Variants in CHL1 observed in about 807,000 individuals in gnomAD.
The protein encoded by CHL1 is cell adhesion molecule L1 like.
Under a neutral mutation model 141.9 loss-of-function variants are expected in CHL1, and 96 were observed. The observed-to-expected ratio is 0.68, with a 90% CI of 0.57 to 0.80. CHL1 has a LOEUF of 0.80. Ranked by LOEUF, CHL1 falls within the 30% of genes least tolerant of loss-of-function variation. CHL1 has a pLI of 0.00. For synonymous variants in CHL1, 613 were observed against 502.2 expected, an observed-to-expected ratio of 1.22 and a Z score of -2.95; for missense variants, 1,820 against 1,457.2, an observed-to-expected ratio of 1.25 and a Z score of -4.05.
Position 382,466 on chromosome 3 carries a change from A to G in CHL1, c.1979-8A>G. On this transcript the variant is annotated splice_polypyrimidine_tract_variant and splice_region_variant and intron_variant, in intron 17 of 27. Coordinates refer to ENST00000256509, the MANE Select transcript of CHL1 (RefSeq NM_006614.4). ...ATTCTAATATTTTTTCCCTGTTTAT[A>G]CTACCAGAGTATATTGTTGAATTTG... The G allele has an allele frequency of 6.2e-7, 1 of 1,610,348 alleles. No individual in the cohort carries two copies. Among genetic ancestry groups the G allele is most frequent in the Non-Finnish European group, 8.5e-7 (1 of 1,176,666 alleles).
At chr3:396,590 G>A (rs1708688133) in intron 24 of CHL1, among the ~76,000 whole-genome samples, 1 of 152,056 alleles carries the variant, frequency 6.6e-6, no homozygotes, top group African/African-American at 2.4e-5. Flanking sequence ...CAGGTGATGT[G>A]GCATCTTTTC....
At chr3:384,618 C>T (rs1707451579) in intron 19 of CHL1, 1 of 152,134 alleles carries the variant, frequency 6.6e-6, no homozygotes, top group East Asian at 1.9e-4. Context: ...AACAGTGGGG[C>T]ATTTTATTTT....
rs375028577 is a variant in CHL1, at chr3:364,637, C to CT, written c.1585+1264dup. Among the ~76,000 whole-genome samples, 280 of 148,382 alleles carry CT rather than the reference C, an allele frequency of 1.9e-3. 3 individuals are homozygous for CT. The highest frequency in any genetic ancestry group is 6.6e-3 in the South Asian group (31 of 4,676). On this transcript the variant is annotated intron_variant, in intron 14 of 27. Coordinates refer to ENST00000256509, the MANE Select transcript of CHL1 (RefSeq NM_006614.4). Reference sequence around the variant, plus strand: ...TCGTATCAATGGAGGATTAAGGACACTTTTTTTTTTACATATACAAAAGGC... The same window carrying CT: ...TCGTATCAATGGAGGATTAAGGACACTTTTTTTTTTTACATATACAAAAGGC...
At chr3:249,646 C>G (rs1693496969) in intron 2 of CHL1, among the ~76,000 whole-genome samples, 1 of 152,118 alleles carries the variant, frequency 6.6e-6, no homozygotes, top group African/African-American at 2.4e-5. Context: ...TGTAGCCCTT[C>G]AAATGCATAC....
intron 2 of CHL1, among the ~76,000 whole-genome samples, chr3:298,243 C>T (rs79391374): frequency 0.021 from 3,261 of 152,152 alleles, 114 homozygotes; most frequent in African/African-American, 0.073. Context: ...TACAATAAGT[C>T]GAATTGCTAA....
chr3:262,868 A>G (rs1694852159), intron 2 of CHL1, among the ~76,000 whole-genome samples: 1 of 152,210 alleles, frequency 6.6e-6, no homozygotes, highest in South Asian at 2.1e-4. Context: ...AAACTAATCA[A>G]AACACACCTG....
At chr3:218,174 A>G (rs74683073) in intron 1 of CHL1, among the ~76,000 whole-genome samples, 8,397 of 152,254 alleles carry the variant, frequency 0.055, 298 homozygotes, top group Middle Eastern at 0.12. Flanking sequence ...GGTGATTTCC[A>G]AAAGACCTCA....
chr3:210,910 C>T (rs1278268807), intron 1 of CHL1, among the ~76,000 whole-genome samples: 2 of 152,094 alleles, frequency 1.3e-5, no homozygotes, highest in African/African-American at 2.4e-5. Context: ...TTGTCTGGAG[C>T]GAGAATAAAA....
intron 1 of CHL1, among the ~76,000 whole-genome samples, chr3:243,449 C>T (rs938056803): frequency 7.9e-5 from 12 of 152,174 alleles, no homozygotes; most frequent in Admixed American, 3.9e-4. Flanking sequence ...AATAATAATG[C>T]GGTCAGAAGT....
intron 4 of CHL1, among the ~76,000 whole-genome samples, chr3:326,501 AT>A (rs1489241801): frequency 2.6e-5 from 4 of 151,502 alleles, no homozygotes; most frequent in Admixed American, 1.3e-4. Flanking sequence ...TTGTTACTTG[AT>A]TTTTTTTAAG....
intron 2 of CHL1, among the ~76,000 whole-genome samples, chr3:251,238 T>C (rs536283534): frequency 1.3e-5 from 2 of 152,214 alleles, no homozygotes; most frequent in South Asian, 4.1e-4. Flanking sequence ...AGATGTGGAA[T>C]CCATCTGTGC....
chr3:315,127 C>T (rs1460835033), intron 2 of CHL1, among the ~76,000 whole-genome samples: 2 of 152,142 alleles, frequency 1.3e-5, no homozygotes, highest in Non-Finnish European at 2.9e-5. Context: ...CCACTATCAA[C>T]ACAATGATCA....
intron 14 of CHL1, chr3:363,895 A>G (rs1343890074): frequency 6.6e-6 from 1 of 152,142 alleles, no homozygotes; most frequent in Admixed American, 6.5e-5. Context: ...GGCTTCACTG[A>G]TATTTTGATT....
intron 10 of CHL1, among the ~76,000 whole-genome samples, chr3:352,361 AT>A (rs1458415165): frequency 6.6e-6 from 1 of 152,072 alleles, no homozygotes; most frequent in Non-Finnish European, 1.5e-5. Flanking sequence ...AGTTTGTTTT[AT>A]TTTGTTTTTT....
Position 326,046 on chromosome 3 carries a change from A to G in CHL1, c.179A>G (p.Lys60Arg), listed in dbSNP as rs746964127. 33 of 1,609,792 alleles carry G rather than the reference A, an allele frequency of 2.0e-5. No homozygotes were observed. The highest frequency in any genetic ancestry group is 3.4e-5 in the Admixed American group (2 of 59,700). Reference protein sequence around the residue: ...DEYFQIECEAKGNPEPTFSWT... With the variant: ...DEYFQIECEARGNPEPTFSWT... Reference sequence around the variant, plus strand: ...TATTTTCAAATTGAATGTGAAGCTAAAGGAAATCCAGAACCAACGTGAGTA... The same window carrying G: ...TATTTTCAAATTGAATGTGAAGCTAGAGGAAATCCAGAACCAACGTGAGTA... Residue 60 changes from lysine (K) to arginine (R), a missense_variant, in exon 4 of 28, where the codon AAA (lysine) becomes AGA (arginine). Coordinates refer to ENST00000256509, the MANE Select transcript of CHL1 (RefSeq NM_006614.4).
chr3:384,871 T>C (rs1707487002), intron 19 of CHL1, among the ~76,000 whole-genome samples: 1 of 152,232 alleles, frequency 6.6e-6, no homozygotes, highest in Non-Finnish European at 1.5e-5. Flanking sequence ...CCTCATATGT[T>C]GGTCTTTGTA....
At chr3:339,212 G>T (rs537386992) in intron 5 of CHL1, among the ~76,000 whole-genome samples, 1 of 152,230 alleles carries the variant, frequency 6.6e-6, no homozygotes, top group African/African-American at 2.4e-5. Context: ...TTGGAGATTT[G>T]GGTACATAAA....
intron 27 of CHL1, among the ~76,000 whole-genome samples, chr3:403,372 A>C (rs989189312): frequency 2.6e-5 from 4 of 152,276 alleles, no homozygotes; most frequent in Admixed American, 6.5e-5. Context: ...TCACAACTCA[A>C]AGGAAGAGGA....
chr3:398,888 C>T, intron 25 of CHL1, 129 bp from the exon 26 acceptor site: 1 of 767,646 alleles, frequency 1.3e-6, no homozygotes, highest in South Asian at 1.9e-5. Flanking sequence ...AATTGCATTC[C>T]TTCTGGGGTC....
Sources: gnomAD v4.1 joint callset for allele counts (sites outside exome capture counted in the v4.1 genomes callset) on GRCh38, gnomAD v4.1.1 for gene constraint, MANE v1.5 for transcripts, NCBI Gene and HGNC (gene_info 2026-07-23, HGNC 2026-07-21) for gene names.